PARD3: variants seen among roughly 807,000 people sequenced by gnomAD.
The protein encoded by PARD3 is partitioning defective 3 homolog.
A neutral mutation model predicts 155.4 loss-of-function variants in PARD3; 75 were observed. The ratio of observed to expected loss-of-function variants is 0.48; its 90% confidence interval spans 0.40 to 0.58. The LOEUF (loss-of-function observed/expected upper bound fraction) is 0.58, where lower values mean the gene tolerates loss of function less well. PARD3 is among the 20% of genes least tolerant of loss of function. PARD3 has a pLI of 0.00. For missense variants in PARD3, 1,642 were observed against 1,721.7 expected, an observed-to-expected ratio of 0.95 and a Z score of 0.82; for synonymous variants, 576 against 610.5, an observed-to-expected ratio of 0.94 and a Z score of 0.83.
chr10:34,514,712 T>C lies in PARD3; in HGVS notation c.403+2267A>G, dbSNP rs114574539. On this transcript the variant is annotated intron_variant, in intron 3 of 24. Coordinates refer to ENST00000374788, the MANE Select transcript of PARD3 (RefSeq NM_001184785.2). ...AATAAAAACAAGATAAAAAGAGATA[T>C]TTGGGGTTTAAAACACCATTTAAAT... is the stretch of plus-strand genomic sequence containing the variant. 2.2e-3 allele frequency among the ~76,000 whole-genome samples: 335 copies of C among 152,328 alleles called. 4 individuals are homozygous for C. The highest frequency in any genetic ancestry group is 7.5e-3 in the African/African-American group (312 of 41,584).
intron 1 of PARD3, among the ~76,000 whole-genome samples, chr10:34,793,980 G>A (rs1266559321): frequency 4.6e-5 from 7 of 152,008 alleles, no homozygotes; most frequent in East Asian, 1.9e-4. Flanking sequence ...ATTTACAGTC[G>A]ACTTGCACCT....
intron 18 of PARD3, among the ~76,000 whole-genome samples, chr10:34,335,320 G>A (rs1306946930): frequency 6.6e-6 from 1 of 151,816 alleles, no homozygotes; most frequent in Non-Finnish European, 1.5e-5. Context: ...CATTTTTTAA[G>A]CAGCTAAAAC....
At position 34,110,151 on chromosome 10, in the gene PARD3, A is replaced by T. The variant is rs1328997946; in HGVS notation, c.*1018T>A. 1 of 152,204 alleles carries T rather than the reference A, an allele frequency of 6.6e-6. No homozygotes were observed. Among genetic ancestry groups the T allele is most frequent in the Non-Finnish European group, 1.5e-5 (1 of 68,042 alleles). The allele number at this position is 152,204 out of a possible 1,614,324, so 9.4% of individuals were successfully genotyped here. A position where few individuals can be genotyped will look rare whatever the true frequency, so the allele number is the denominator to read the frequency against. On this transcript the variant is annotated 3_prime_UTR_variant, in exon 25 of 25. Transcript: ENST00000374788. The stretch of plus-strand genomic sequence containing the variant: ...AACTACTTAGGAGCGCGGCATCGCC[A>T]GTCAGACATGCAGTGTGTGGATGCA...
intron 1 of PARD3, among the ~76,000 whole-genome samples, chr10:34,779,294 A>G (rs1353030474): frequency 6.9e-6 from 1 of 145,112 alleles, no homozygotes. Flanking sequence ...TGAAAGAGCT[A>G]GACTCCATCT....
chr10:34,689,933 TGTTA>T (rs140787940), intron 2 of PARD3, among the ~76,000 whole-genome samples: 59,547 of 150,910 alleles, frequency 0.39, 12,946 homozygotes, highest in African/African-American at 0.59. Flanking sequence ...GATTTTTACA[TGTTA>T]TTTATTTATT....
At chr10:34,773,542 G>A (rs1311357492) in intron 1 of PARD3, among the ~76,000 whole-genome samples, 1 of 152,184 alleles carries the variant, frequency 6.6e-6, no homozygotes, top group African/African-American at 2.4e-5. Flanking sequence ...CCAAATTGCT[G>A]TTCCGAGAAG....
intron 19 of PARD3, among the ~76,000 whole-genome samples, chr10:34,321,088 ATGCT>A (rs1442606980): frequency 2.6e-5 from 4 of 152,188 alleles, no homozygotes; most frequent in African/African-American, 9.6e-5. Context: ...TTGGTTACAC[ATGCT>A]TAATTTTTGA....
At chr10:34,625,600 G>T (rs1055211672) in intron 2 of PARD3, among the ~76,000 whole-genome samples, 2 of 152,184 alleles carry the variant, frequency 1.3e-5, no homozygotes, top group African/African-American at 4.8e-5. Flanking sequence ...GAATTGAAGG[G>T]ATTCAAAGTA....
intron 2 of PARD3, among the ~76,000 whole-genome samples, chr10:34,579,240 A>T (rs997817856): frequency 6.6e-6 from 1 of 151,540 alleles, no homozygotes; most frequent in African/African-American, 2.4e-5. Context: ...ACTGCGCTCC[A>T]GCCTGGGCAA....
Position 34,348,073 on chromosome 10 carries a change from C to G in PARD3, c.2110G>C (p.Glu704Gln). 6.2e-7 allele frequency: 1 copy of G among 1,612,614 alleles called. No homozygotes were observed. The highest frequency in any genetic ancestry group is 8.5e-7 in the Non-Finnish European group (1 of 1,179,406). Residue 704 changes from glutamate (E) to glutamine (Q), a missense_variant, in exon 15 of 25, where the codon GAA (glutamate) becomes CAA (glutamine). Coordinates refer to ENST00000374788, the MANE Select transcript of PARD3 (RefSeq NM_001184785.2). ...GSPPGPELPIETALDDRERRI... is the reference protein window; with the variant it reads ...GSPPGPELPIQTALDDRERRI... ...CGTTCTCTATCATCCAACGCTGTTT[C>G]AATGGGCAGCTCAGGTCCAGGGGGG... is the stretch of plus-strand genomic sequence containing the variant.
At chr10:34,460,507 T>C (rs898156880) in intron 4 of PARD3, among the ~76,000 whole-genome samples, 1 of 152,186 alleles carries the variant, frequency 6.6e-6, no homozygotes, top group Non-Finnish European at 1.5e-5. Context: ...GTGAGCTATT[T>C]AAACTCTCCA....
chr10:34,325,845 T>A (rs1044709300), intron 19 of PARD3, among the ~76,000 whole-genome samples: 5 of 151,522 alleles, frequency 3.3e-5, no homozygotes, highest in East Asian at 1.9e-4. Context: ...AAATGGGGCC[T>A]GGTGCGGTGG....
chr10:34,408,666 T>C (rs1392826063), intron 5 of PARD3, among the ~76,000 whole-genome samples: 1 of 152,070 alleles, frequency 6.6e-6, no homozygotes, highest in African/African-American at 2.4e-5. Context: ...AAAACATCTG[T>C]AGGAGAGAGG....
chr10:34,655,288 C>T (rs924706083), intron 2 of PARD3, among the ~76,000 whole-genome samples: 1 of 152,030 alleles, frequency 6.6e-6, no homozygotes, highest in African/African-American at 2.4e-5. Flanking sequence ...TCTTCTAAGG[C>T]CCCCATTTAG....
intron 5 of PARD3, among the ~76,000 whole-genome samples, chr10:34,435,163 C>G (rs2076126632): frequency 6.6e-6 from 1 of 152,038 alleles, no homozygotes; most frequent in Admixed American, 6.6e-5. Flanking sequence ...ATAGCTGTTT[C>G]TGGTTTACAT....
At chr10:34,763,524 A>G (rs1183821650) in intron 1 of PARD3, among the ~76,000 whole-genome samples, 1 of 152,210 alleles carries the variant, frequency 6.6e-6, no homozygotes, top group East Asian at 1.9e-4. Flanking sequence ...TTTCAAAATT[A>G]AAAGAAAAAA....
Position 34,261,781 on chromosome 10 carries a change from AAAAGAAAGAAAGAAAGAAAGAAAG to A in PARD3, c.3419+7852_3419+7875del, listed in dbSNP as rs1158080569. Among the ~76,000 whole-genome samples, 474 of 132,058 alleles carry A rather than the reference AAAAGAAAGAAAGAAAGAAAGAAAG, an allele frequency of 3.6e-3. 5 individuals carry two copies. Among genetic ancestry groups the A allele is most frequent in the South Asian group, 0.017 (72 of 4,142 alleles). The allele number at this position is 132,058 out of a possible 152,430, so 86.6% of individuals were successfully genotyped here. A position where few individuals can be genotyped will look rare whatever the true frequency, so the allele number is the denominator to read the frequency against. On this transcript the variant is annotated intron_variant, in intron 22 of 24. Transcript: ENST00000374788. Reference sequence around the variant, plus strand: ...GAAAGGAAGGAAGGAAGAAAGAAAGAAAAGAAAGAAAGAAAGAAAGAAAGAAAGAAAGAAAGAAAGAAAGAAACA... The same window carrying A: ...GAAAGGAAGGAAGGAAGAAAGAAAGAAAAGAAAGAAAGAAAGAAAGAAACA...
At chr10:34,538,584 C>T (rs1395039589) in intron 2 of PARD3, among the ~76,000 whole-genome samples, 3 of 152,208 alleles carry the variant, frequency 2.0e-5, no homozygotes, top group Non-Finnish European at 1.5e-5. Context: ...AGTTTCACTT[C>T]ACTCTTTCAA....
intron 5 of PARD3, 103 bp from the exon 6 acceptor site, chr10:34,402,020 T>C (rs2132204463): frequency 1.1e-6 from 1 of 882,344 alleles, no homozygotes; most frequent in South Asian, 1.3e-5. Flanking sequence ...CATTATGATC[T>C]TGGTAACTGT....
Sources: allele counts gnomAD v4.1 joint callset (sites outside exome capture counted in the v4.1 genomes callset), GRCh38; gene constraint gnomAD v4.1.1; transcripts MANE v1.5; gene names NCBI Gene and HGNC (gene_info 2026-07-23, HGNC 2026-07-21).